WDR33: variants seen among roughly 807,000 people sequenced by gnomAD.
The protein encoded by WDR33 is pre-mRNA 3' end processing protein WDR33.
In WDR33, 47 loss-of-function variants were observed where a neutral mutation model predicts 164.9. The ratio of observed to expected loss-of-function variants is 0.29; its 90% CI spans 0.23 to 0.36. The LOEUF (loss-of-function observed/expected upper bound fraction) is 0.36. WDR33 is among the 10% of genes least tolerant of loss of function. WDR33 has a pLI of 1.00. For missense variants in WDR33, 1,137 were observed against 1,754.1 expected (o/e 0.65, Z 6.28); for synonymous variants, 505 against 589.0 (o/e 0.86, Z 2.06).
rs1488569646 is a variant in WDR33, at chr2:127,701,292, C to G, written c.*5031G>C. The G allele has an allele frequency of 5.7e-6, 2 of 347,968 alleles. No homozygotes were observed. Among genetic ancestry groups the G allele is most frequent in the East Asian group, 4.4e-5 (1 of 22,686 alleles). The allele number at this position is 347,968 out of a possible 1,614,324, so 21.6% of individuals were successfully genotyped here. On this transcript the variant is annotated 3_prime_UTR_variant, in exon 22 of 22. Coordinates refer to ENST00000322313, the MANE Select transcript of WDR33 (RefSeq NM_018383.5). Reference sequence around the variant, plus strand: ...AGACCGCAAGGGCGCCTACTCCGAACAAGGAAGAGGGTCAGGCGCTGGGAG... The same window carrying G: ...AGACCGCAAGGGCGCCTACTCCGAAGAAGGAAGAGGGTCAGGCGCTGGGAG...
At chr2:127,786,225 G>C (rs1301665286) in intron 1 of WDR33, among the ~76,000 whole-genome samples, 3 of 152,088 alleles carry the variant, frequency 2.0e-5, no homozygotes, top group South Asian at 2.1e-4. Context: ...TGTAGAGACA[G>C]GGTCTCACTG....
At chr2:127,773,267 C>T (rs1186780876) in intron 1 of WDR33, among the ~76,000 whole-genome samples, 1 of 152,180 alleles carries the variant, frequency 6.6e-6, no homozygotes, top group African/African-American at 2.4e-5. Flanking sequence ...TGTCTGTATT[C>T]TTAAAACTGC....
rs72846278 is a variant in WDR33 at position 127,785,825 on chromosome 2, T to C, written c.-23-14821A>G. Among the ~76,000 whole-genome samples, 1,354 of 152,330 alleles carry C rather than the reference T, an allele frequency of 8.9e-3. 9 individuals carry two copies. Among genetic ancestry groups the C allele is most frequent in the Non-Finnish European group, 0.014 (935 of 68,028 alleles). On this transcript the variant is annotated intron_variant, in intron 1 of 21. Coordinates refer to ENST00000322313, the MANE Select transcript of WDR33 (RefSeq NM_018383.5). The stretch of plus-strand genomic sequence containing the variant: ...TTGGGTAGATGTTATTTTCAACTCA[T>C]GTGACTCAAGGAGCCAGGTTGCTAG...
Position 127,726,964 on chromosome 2 carries a change from G to A in WDR33, c.725-187C>T, listed in dbSNP as rs930940857. ...CAGATACAGTATCCTCTCCTCCTATGTCAAGACACACAGGAGCCAGTCCTC... is the reference window on the plus strand; with the variant it reads ...CAGATACAGTATCCTCTCCTCCTATATCAAGACACACAGGAGCCAGTCCTC... On this transcript the variant is annotated intron_variant, in intron 7 of 21. Transcript: ENST00000322313. This position sits in a 1 kb window ranked among gnomAD's most constrained non-coding sequence, Gnocchi z 4.8. 1.3e-5 allele frequency among the ~76,000 whole-genome samples: 2 copies of A among 152,100 alleles called. No individual in the cohort carries two copies. The highest frequency in any genetic ancestry group is 2.9e-5 in the Non-Finnish European group (2 of 68,030).
intron 1 of WDR33, among the ~76,000 whole-genome samples, chr2:127,788,671 C>T (rs1414740731): frequency 0.012 from 1,659 of 137,196 alleles, no homozygotes; most frequent in Admixed American, 0.019. Flanking sequence ...ACCTCCCTCC[C>T]GGACGGCACG....
chr2:127,809,285 C>A (rs911298423), intron 1 of WDR33, among the ~76,000 whole-genome samples: 1 of 151,918 alleles, frequency 6.6e-6, no homozygotes, highest in Non-Finnish European at 1.5e-5. Flanking sequence ...ATAATTAAAG[C>A]CTTACGTCAA....
chr2:127,796,580 T>C (rs1477486823), intron 1 of WDR33, among the ~76,000 whole-genome samples: 2 of 152,044 alleles, frequency 1.3e-5, no homozygotes, highest in African/African-American at 4.8e-5. Context: ...CTTGGGCTCT[T>C]TCCCAGCATA....
At chr2:127,807,193 A>G (rs567837681) in intron 1 of WDR33, among the ~76,000 whole-genome samples, 6 of 152,180 alleles carry the variant, frequency 3.9e-5, no homozygotes, top group Admixed American at 3.9e-4. Context: ...TTTAGTAGGG[A>G]TGGGGTTTCA....
chr2:127,776,737 C>T (rs1477749063), intron 1 of WDR33, among the ~76,000 whole-genome samples: 1 of 152,136 alleles, frequency 6.6e-6, no homozygotes, highest in Non-Finnish European at 1.5e-5. Context: ...GATACAATAG[C>T]TTTCTCTGAG....
intron 1 of WDR33, among the ~76,000 whole-genome samples, chr2:127,806,493 C>G (rs567924436): frequency 1.5e-4 from 23 of 152,166 alleles, no homozygotes; most frequent in African/African-American, 5.3e-4. Context: ...AGGCGTGAGC[C>G]ACTGCGCCCG....
At chr2:127,743,575 G>C (rs1168840562) in intron 7 of WDR33, among the ~76,000 whole-genome samples, 1 of 150,860 alleles carries the variant, frequency 6.6e-6, no homozygotes, top group Non-Finnish European at 1.5e-5. Flanking sequence ...CATAATTCAA[G>C]AACAGAATAA....
At chr2:127,711,776 A>ATTTTTT (rs1284723078) in intron 18 of WDR33, among the ~76,000 whole-genome samples, 8 of 94,084 alleles carry the variant, frequency 8.5e-5, no homozygotes, top group African/African-American at 4.6e-4. Flanking sequence ...ATATATATAT[A>ATTTTTT]TATATTTTTT....
At chr2:127,748,176 C>T (rs1271212228) in intron 7 of WDR33, among the ~76,000 whole-genome samples, 1 of 152,132 alleles carries the variant, frequency 6.6e-6, no homozygotes, top group Admixed American at 6.5e-5. Context: ...TAGAGCAAGC[C>T]CTCATGTCCT....
intron 7 of WDR33, among the ~76,000 whole-genome samples, chr2:127,751,383 T>C (rs1687355933): frequency 7.0e-6 from 1 of 141,958 alleles, no homozygotes; most frequent in African/African-American, 2.6e-5. Flanking sequence ...ATAATAATAA[T>C]AATAATAATA....
chr2:127,725,570 C>T (rs1481684949), intron 8 of WDR33, among the ~76,000 whole-genome samples: 2 of 152,026 alleles, frequency 1.3e-5, no homozygotes, highest in African/African-American at 2.4e-5. Flanking sequence ...CCAGACTCTA[C>T]TAAAAATACA....
Position 127,704,203 on chromosome 2 carries a change from CAG to C in WDR33, c.*2118_*2119del, listed in dbSNP as rs745552255. The stretch of plus-strand genomic sequence containing the variant: ...TCACAACATCTAGTATGTATGCTGA[CAG>C]TGATGTTTTTAAATGCCATATATAT... On this transcript the variant is annotated 3_prime_UTR_variant, in exon 22 of 22. Transcript: ENST00000322313. 1.2e-5 allele frequency: 2 copies of C among 166,196 alleles called. No homozygotes were observed. Among genetic ancestry groups the C allele is most frequent in the Non-Finnish European group, 2.9e-5 (2 of 68,000 alleles). 10.3% of individuals were successfully genotyped at this position (166,196 alleles called of 1,614,324 possible). A position where few individuals can be genotyped will look rare whatever the true frequency, so the allele number is the denominator to read the frequency against.
At position 127,711,772 on chromosome 2, in the gene WDR33, A is replaced by ATTTTT. The variant is rs1419760091; in HGVS notation, c.3308+1810_3308+1811insAAAAA. On this transcript the variant is annotated intron_variant, in intron 18 of 21. Coordinates refer to ENST00000322313, the MANE Select transcript of WDR33 (RefSeq NM_018383.5). The stretch of plus-strand genomic sequence containing the variant: ...TACAGATATATATATATATATATAT[A>ATTTTT]TATATATATTTTTTTTTTGAGACAG... Among the ~76,000 whole-genome samples the ATTTTT allele has an allele frequency of 2.9e-3, 251 of 87,680 alleles. 8 individuals are homozygous for ATTTTT. Among genetic ancestry groups the ATTTTT allele is most frequent in the Admixed American group, 0.011 (97 of 8,770 alleles). 57.5% of individuals were successfully genotyped at this position (87,680 alleles called of 152,430 possible). A position where few individuals can be genotyped will look rare whatever the true frequency, so the allele number is the denominator to read the frequency against.
intron 7 of WDR33, among the ~76,000 whole-genome samples, chr2:127,746,364 C>T (rs1558934575): frequency 6.6e-6 from 1 of 152,150 alleles, no homozygotes; most frequent in African/African-American, 2.4e-5. Flanking sequence ...ACCTTTAATA[C>T]CTCTCTTTTA....
At chr2:127,745,390 G>A (rs778581183) in intron 7 of WDR33, among the ~76,000 whole-genome samples, 7 of 152,196 alleles carry the variant, frequency 4.6e-5, no homozygotes, top group Admixed American at 6.5e-5. Context: ...TGTCTGGTCT[G>A]TACTTCTCAT....
Sources: allele counts gnomAD v4.1 joint callset (sites outside exome capture counted in the v4.1 genomes callset), GRCh38; gene constraint gnomAD v4.1.1; non-coding constraint Gnocchi (gnomAD v3.1); transcripts MANE v1.5; gene names NCBI Gene and HGNC (gene_info 2026-07-23, HGNC 2026-07-21).